Variants in NMT1 observed in about 807,000 individuals in gnomAD.
NMT1 encodes glycylpeptide N-tetradecanoyltransferase 1.
In NMT1, 12 loss-of-function variants were observed where a neutral mutation model predicts 63.4. The ratio of observed to expected loss-of-function variants is 0.19; its 90% confidence interval spans 0.12 to 0.31. The LOEUF (loss-of-function observed/expected upper bound fraction) is 0.31. NMT1 is among the 10% of genes least tolerant of loss of function. NMT1 has a pLI of 1.00. For synonymous variants in NMT1, 228 were observed against 234.3 expected, an observed-to-expected ratio of 0.97 and a Z score of 0.25; for missense variants, 432 against 634.6, an observed-to-expected ratio of 0.68 and a Z score of 3.43.
chr17:45,094,040 C>T (rs1188637465), intron 4 of NMT1, among the ~76,000 whole-genome samples: 1 of 152,188 alleles, frequency 6.6e-6, no homozygotes, highest in Non-Finnish European at 1.5e-5. Flanking sequence ...ACCTGTTTTT[C>T]ATTTATTCTT....
chr17:45,105,000 G>C lies in NMT1; in HGVS notation c.1470+4G>C. The C allele has an allele frequency of 6.2e-7, 1 of 1,614,154 alleles. No individual in the cohort carries two copies. Among genetic ancestry groups the C allele is most frequent in the South Asian group, 1.1e-5 (1 of 91,082 alleles). Reference sequence around the variant, plus strand: ...CCCCAGCATGGGGGCAGAGAAGGTAGGCGACACATAGCCAGAGTCCAGGCT... The same window carrying C: ...CCCCAGCATGGGGGCAGAGAAGGTACGCGACACATAGCCAGAGTCCAGGCT... On this transcript the variant is annotated splice_donor_region_variant and intron_variant, in intron 11 of 11. Coordinates refer to ENST00000258960, the MANE Select transcript of NMT1 (RefSeq NM_021079.5). This position sits in a 1 kb window ranked among gnomAD's most constrained non-coding sequence, Gnocchi z 4.2.
chr17:45,063,097 C>T (rs373599474), intron 1 of NMT1, among the ~76,000 whole-genome samples: 3 of 149,902 alleles, frequency 2.0e-5, no homozygotes, highest in Admixed American at 1.3e-4. Flanking sequence ...CCCAACTACT[C>T]GGGAGGCTAA....
chr17:45,061,531 C>A, intron 1 of NMT1, 71 bp downstream of exon 1: 2 of 1,422,160 alleles, frequency 1.4e-6, no homozygotes, highest in Non-Finnish European at 1.9e-6. Context: ...GCGGGGAAGT[C>A]ACCGGGAGCT....
In NMT1 at chr17:45,094,546, G is replaced by A. The variant is rs568525639; in HGVS notation, c.504+743G>A. Among the ~76,000 whole-genome samples, 37 of 146,626 alleles carry A rather than the reference G, an allele frequency of 2.5e-4. 1 individual carries two copies. The South Asian group carries it at 7.3e-3, about 29-fold the overall frequency. ...TTTTTTTTTTTTGAGATGGAGTCTC[G>A]CTCTGTTGCCCAGGCTGGAGTGCAG... On this transcript the variant is annotated intron_variant, in intron 4 of 11. Coordinates refer to ENST00000258960, the MANE Select transcript of NMT1 (RefSeq NM_021079.5).
intron 1 of NMT1, among the ~76,000 whole-genome samples, chr17:45,069,907 A>G (rs6503418): frequency 0.52 from 78,649 of 151,518 alleles, 20,885 homozygotes; most frequent in Middle Eastern, 0.6. Flanking sequence ...TCATTCTAGT[A>G]GGTGAGATTT....
At chr17:45,079,655 C>CACATGCACACGTGCAT (rs1410612846) in intron 1 of NMT1, among the ~76,000 whole-genome samples, 1 of 152,220 alleles carries the variant, frequency 6.6e-6, no homozygotes, top group Non-Finnish European at 1.5e-5. Flanking sequence ...ATCACGTGCA[C>CACATGCACACGTGCAT]ACATGCACAC....
rs549034862 is a variant in NMT1 at position 45,076,477 on chromosome 17, C to T, written c.132-5167C>T. Reference sequence around the variant, plus strand: ...AAAAAAAAAAAAAAGTGGCCAGGCACGGTGGCTCATGCCTGTAATCCTAGT... The same window carrying T: ...AAAAAAAAAAAAAAGTGGCCAGGCATGGTGGCTCATGCCTGTAATCCTAGT... On this transcript the variant is annotated intron_variant, in intron 1 of 11. Transcript: ENST00000258960. Among the ~76,000 whole-genome samples, 22 of 150,900 alleles carry T rather than the reference C, an allele frequency of 1.5e-4. No homozygotes were observed. In the East Asian group the frequency reaches 3.5e-3, roughly 24 times the overall value.
rs183596398 is a variant in NMT1 at position 45,096,182 on chromosome 17, A to G, written c.505-12A>G. 4 of 1,605,406 alleles carry G rather than the reference A, an allele frequency of 2.5e-6. No individual in the cohort carries two copies. Among genetic ancestry groups the G allele is most frequent in the Non-Finnish European group, 2.6e-6 (3 of 1,172,038 alleles). On this transcript the variant is annotated splice_polypyrimidine_tract_variant and intron_variant, in intron 4 of 11. Transcript: ENST00000258960. ...CAGAATACCTCCAAGTGAGCTGCTT[A>G]TTTCTTTACAGCTAAAAGAACTGTA...
chr17:45,071,774 C>T (rs1318818795), intron 1 of NMT1, among the ~76,000 whole-genome samples: 1 of 152,086 alleles, frequency 6.6e-6, no homozygotes, highest in Non-Finnish European at 1.5e-5. Context: ...GGATGGAGTA[C>T]AGTGGCTATT....
In NMT1 at chr17:45,104,321, A is replaced by G. The variant is rs1243977862; in HGVS notation, c.1332+445A>G. 1 of 1,169,152 alleles carries G rather than the reference A, an allele frequency of 8.6e-7. No homozygotes were observed. The highest frequency in any genetic ancestry group is 6.3e-5 in the East Asian group (1 of 15,828). The allele number at this position is 1,169,152 out of a possible 1,614,324, so 72.4% of individuals were successfully genotyped here. A position where few individuals can be genotyped will look rare whatever the true frequency, so the allele number is the denominator to read the frequency against. On this transcript the variant is annotated intron_variant, in intron 10 of 11. Transcript: ENST00000258960. The surrounding 1 kb of genome is among the most constrained non-coding windows in gnomAD (Gnocchi z 4.2). Reference sequence around the variant, plus strand: ...TGGTAACCTGTGCCCAGCCCAGCCCAGCCTGCTGTAGGCAATCTGGTCCCT... The same window carrying G: ...TGGTAACCTGTGCCCAGCCCAGCCCGGCCTGCTGTAGGCAATCTGGTCCCT...
chr17:45,081,156 A>G (rs1203103547), intron 1 of NMT1, among the ~76,000 whole-genome samples: 2 of 152,118 alleles, frequency 1.3e-5, no homozygotes, highest in Non-Finnish European at 2.9e-5. Flanking sequence ...CTCCCTTTTC[A>G]TACTGTCTTG....
chr17:45,083,858 G>C (rs1751996743), intron 2 of NMT1: 1 of 152,094 alleles, frequency 6.6e-6, no homozygotes, highest in African/African-American at 2.4e-5. Context: ...AGATCTGCCT[G>C]CCATGGCCTC....
chr17:45,076,964 A>G (rs1187453278), intron 1 of NMT1, among the ~76,000 whole-genome samples: 1 of 152,228 alleles, frequency 6.6e-6, no homozygotes, highest in Non-Finnish European at 1.5e-5. Flanking sequence ...ACAAGAGTTC[A>G]GCCCAAGATC....
At chr17:45,061,599 A>G in intron 1 of NMT1, 139 bp downstream of exon 1, 2 of 717,096 alleles carry the variant, frequency 2.8e-6, no homozygotes, top group Non-Finnish European at 4.5e-6. Context: ...CTGCCTGGCG[A>G]TTGGTTATTG....
Position 45,104,096 on chromosome 17 carries a change from AT to A in NMT1, c.1332+223del. On this transcript the variant is annotated intron_variant, in intron 10 of 11. Coordinates refer to ENST00000258960, the MANE Select transcript of NMT1 (RefSeq NM_021079.5). The surrounding 1 kb of genome is among the most constrained non-coding windows in gnomAD (Gnocchi z 4.2). ...GAAGGCATTGAACTCCTCCTGATTCATTTCAGTGAGTTTCGTTCTCACAGGA... is the reference window on the plus strand; with the variant it reads ...GAAGGCATTGAACTCCTCCTGATTCATTCAGTGAGTTTCGTTCTCACAGGA... 6.9e-7 allele frequency: 1 copy of A among 1,457,692 alleles called. No individual in the cohort carries two copies. 90.3% of individuals were successfully genotyped at this position (1,457,692 alleles called of 1,614,324 possible). A position where few individuals can be genotyped will look rare whatever the true frequency, so the allele number is the denominator to read the frequency against.
At chr17:45,094,893 A>C (rs1228526046) in intron 4 of NMT1, among the ~76,000 whole-genome samples, 1 of 142,768 alleles carries the variant, frequency 7.0e-6, no homozygotes, top group African/African-American at 2.6e-5. Flanking sequence ...GCTTACCCCA[A>C]CCTCCACCTT....
At chr17:45,074,506 A>G (rs1417521951) in intron 1 of NMT1, among the ~76,000 whole-genome samples, 1 of 152,176 alleles carries the variant, frequency 6.6e-6, no homozygotes, top group Non-Finnish European at 1.5e-5. Context: ...GGCGTGAGCC[A>G]TCGTGCCCGG....
chr17:45,066,399 T>C (rs1223366027), intron 1 of NMT1, among the ~76,000 whole-genome samples: 4 of 152,164 alleles, frequency 2.6e-5, no homozygotes, highest in Non-Finnish European at 5.9e-5. Flanking sequence ...AATTTAGTTC[T>C]TGACTTTTCT....
At chr17:45,062,973 G>C (rs1172281906) in intron 1 of NMT1, among the ~76,000 whole-genome samples, 1 of 152,050 alleles carries the variant, frequency 6.6e-6, no homozygotes, top group Admixed American at 6.6e-5. Flanking sequence ...CCAGTACTTT[G>C]GGAGGCAGAT....
Sources: gnomAD v4.1 joint callset for allele counts (sites outside exome capture counted in the v4.1 genomes callset) on GRCh38, gnomAD v4.1.1 for gene constraint, Gnocchi (gnomAD v3.1) non-coding constraint, MANE v1.5 for transcripts, NCBI Gene and HGNC (gene_info 2026-07-23, HGNC 2026-07-21) for gene names.